Variants in PLXNA4 observed in about 807,000 individuals in gnomAD.
PLXNA4 encodes the protein plexin A4.
Under a neutral mutation model 191.8 loss-of-function variants are expected in PLXNA4, and 44 were observed. The ratio of observed to expected loss-of-function variants is 0.23; its 90% CI spans 0.18 to 0.29. PLXNA4 has a LOEUF of 0.29. PLXNA4 is among the 10% of genes least tolerant of loss of function. The pLI is 1.00. For missense variants in PLXNA4, 1,800 were observed against 2,488.8 expected (o/e 0.72, Z 5.89); for synonymous variants, 1,082 against 1,009.5 (o/e 1.07, Z -1.36).
chr7:132,535,473 A>G (rs1193784863), intron 1 of PLXNA4, among the ~76,000 whole-genome samples: 1 of 152,146 alleles, frequency 6.6e-6, no homozygotes, highest in East Asian at 1.9e-4. Flanking sequence ...GGCTGAGGCC[A>G]ATGAGCGTAT....
chr7:132,315,639 C>T (rs1351268217), intron 3 of PLXNA4, among the ~76,000 whole-genome samples: 1 of 152,224 alleles, frequency 6.6e-6, no homozygotes, highest in African/African-American at 2.4e-5. Context: ...TCTCACGCCC[C>T]TCCCGAGTGA....
At chr7:132,645,062 G>A (rs1803840446) in intron 2 of PLXNA4, among the ~76,000 whole-genome samples, 1 of 152,240 alleles carries the variant, frequency 6.6e-6, no homozygotes, top group Non-Finnish European at 1.5e-5. Flanking sequence ...TGTCAGCTTA[G>A]TTTGCAGAGC....
At chr7:132,301,309 C>T (rs1376287000) in intron 3 of PLXNA4, among the ~76,000 whole-genome samples, 1 of 152,168 alleles carries the variant, frequency 6.6e-6, no homozygotes, top group Non-Finnish European at 1.5e-5. Flanking sequence ...GTAGAATGGA[C>T]CAGCTGCCGG....
At chr7:132,133,952 G>A (rs995058381) in intron 30 of PLXNA4, among the ~76,000 whole-genome samples, 3 of 152,096 alleles carry the variant, frequency 2.0e-5, no homozygotes, top group African/African-American at 4.8e-5. Flanking sequence ...ATGACAGGAG[G>A]GCATCATAAA....
chr7:132,464,947 C>T (rs144164223), intron 3 of PLXNA4, among the ~76,000 whole-genome samples: 133 of 152,236 alleles, frequency 8.7e-4, no homozygotes, highest in African/African-American at 3.1e-3. Context: ...GAGAGGATGC[C>T]CAGTCATGCT....
intron 3 of PLXNA4, among the ~76,000 whole-genome samples, chr7:132,444,692 G>A (rs1795829065): frequency 6.6e-6 from 1 of 152,186 alleles, no homozygotes; most frequent in African/African-American, 2.4e-5. Flanking sequence ...GTGGGAGGGT[G>A]TGTGGGGTTT....
intron 3 of PLXNA4, among the ~76,000 whole-genome samples, chr7:132,380,471 C>T (rs1049089793): frequency 2.0e-5 from 3 of 152,060 alleles, no homozygotes; most frequent in South Asian, 2.1e-4. Context: ...ACCAAGGCAC[C>T]GAGGGAGAAG....
chr7:132,536,181 G>T (rs1799824695), intron 1 of PLXNA4, among the ~76,000 whole-genome samples: 3 of 152,200 alleles, frequency 2.0e-5, no homozygotes, highest in Admixed American at 1.3e-4. Context: ...AAGTGTAAAT[G>T]CTTCAAACAG....
intron 22 of PLXNA4, among the ~76,000 whole-genome samples, chr7:132,167,760 G>A (rs1228492074): frequency 6.6e-6 from 1 of 152,142 alleles, no homozygotes; most frequent in Non-Finnish European, 1.5e-5. Flanking sequence ...TGTTGTCCAG[G>A]CTGGTCTTGA....
intron 2 of PLXNA4, among the ~76,000 whole-genome samples, chr7:132,610,084 G>A (rs1242239573): frequency 6.6e-6 from 1 of 152,132 alleles, no homozygotes; most frequent in African/African-American, 2.4e-5. Flanking sequence ...CTTTAGATGA[G>A]TTTATCCTCT....
At chr7:132,441,032 T>C (rs1263839844) in intron 3 of PLXNA4, among the ~76,000 whole-genome samples, 1 of 152,186 alleles carries the variant, frequency 6.6e-6, no homozygotes, top group African/African-American at 2.4e-5. Context: ...CCATTTTACA[T>C]ATGAAAAAAC....
chr7:132,520,624 C>T lies in PLXNA4; in HGVS notation c.-86-11845G>A, dbSNP rs74886697. On this transcript the variant is annotated intron_variant, in intron 1 of 31. Transcript: ENST00000321063. ...GAAATCTCTAGCTAGACTTTTCTAACTGTAAAAACAGTCAGTGGGCCTAGA... is the reference window on the plus strand; with the variant it reads ...GAAATCTCTAGCTAGACTTTTCTAATTGTAAAAACAGTCAGTGGGCCTAGA... Among the ~76,000 whole-genome samples, 447 of 152,314 alleles carry T rather than the reference C, an allele frequency of 2.9e-3. 2 individuals carry two copies. The highest frequency in any genetic ancestry group is 0.01 in the African/African-American group (433 of 41,566).
chr7:132,322,183 G>GTTTTTT (rs1802193748), intron 3 of PLXNA4, among the ~76,000 whole-genome samples: 1 of 81,800 alleles, frequency 1.2e-5, no homozygotes. Flanking sequence ...CCCTAAAAGG[G>GTTTTTT]CTTTTTTTTT....
At chr7:132,152,093 T>A (rs1795663619) in intron 25 of PLXNA4, among the ~76,000 whole-genome samples, 2 of 152,156 alleles carry the variant, frequency 1.3e-5, no homozygotes, top group Admixed American at 1.3e-4. Context: ...TGGGCTCAGC[T>A]TTCTGGAGCG....
chr7:132,260,361 G>A (rs754355845), intron 4 of PLXNA4, among the ~76,000 whole-genome samples: 11 of 152,150 alleles, frequency 7.2e-5, no homozygotes, highest in Non-Finnish European at 8.8e-5. Flanking sequence ...TTACAGCCAC[G>A]TGGATGCAAC....
chr7:132,499,603 T>C (rs962165679), intron 2 of PLXNA4, among the ~76,000 whole-genome samples: 7 of 152,164 alleles, frequency 4.6e-5, no homozygotes, highest in African/African-American at 1.4e-4. Context: ...AGGGCTGTCA[T>C]TGAAGTGAGA....
intron 5 of PLXNA4, among the ~76,000 whole-genome samples, chr7:132,235,381 G>A (rs1798664625): frequency 6.6e-6 from 1 of 152,214 alleles, no homozygotes; most frequent in African/African-American, 2.4e-5. Context: ...TTGTAACTAA[G>A]TTGTAACTCA....
chr7:132,279,545 G>A (rs1800400704), intron 4 of PLXNA4, among the ~76,000 whole-genome samples: 1 of 152,118 alleles, frequency 6.6e-6, no homozygotes, highest in Non-Finnish European at 1.5e-5. Context: ...TGAGGTGGGA[G>A]GGTTGCTTGA....
At chr7:132,520,728 C>T (rs537701926) in intron 1 of PLXNA4, among the ~76,000 whole-genome samples, 28 of 152,238 alleles carry the variant, frequency 1.8e-4, no homozygotes, top group South Asian at 4.2e-4. Context: ...AGCATCTGTC[C>T]GGCCGCCCCT....
Sources: gnomAD v4.1 joint callset for allele counts (sites outside exome capture counted in the v4.1 genomes callset) on GRCh38, gnomAD v4.1.1 for gene constraint, MANE v1.5 for transcripts, NCBI Gene and HGNC (gene_info 2026-07-23, HGNC 2026-07-21) for gene names.